The following PALLD variants were observed in gnomAD, a reference collection of about 807,000 sequenced individuals.
PALLD encodes palladin.
Under a neutral mutation model 123.5 loss-of-function variants are expected in PALLD, and 61 were observed. The observed-to-expected ratio is 0.49, with a 90% CI of 0.40 to 0.61. PALLD has a LOEUF of 0.61. Among genes scored for constraint, PALLD ranks in the 20% least tolerant of loss-of-function variants. PALLD has a pLI of 0.00. For synonymous variants in PALLD, 465 were observed against 496.4 expected, an observed-to-expected ratio of 0.94 and a Z score of 0.84; for missense variants, 1,273 against 1,377.0, an observed-to-expected ratio of 0.92 and a Z score of 1.20.
At chr4:168,718,523 A>AG (rs1159750794) in intron 10 of PALLD, among the ~76,000 whole-genome samples, 2 of 152,190 alleles carry the variant, frequency 1.3e-5, no homozygotes, top group Non-Finnish European at 2.9e-5. Flanking sequence ...TCAGTTAGCT[A>AG]GCCATTACTT....
At chr4:168,542,397 CAG>C (rs1339204436) in intron 2 of PALLD, among the ~76,000 whole-genome samples, 1 of 151,136 alleles carries the variant, frequency 6.6e-6, no homozygotes, top group Non-Finnish European at 1.5e-5. Context: ...GCCTGGGCAA[CAG>C]AGAGAAAAAA....
intron 2 of PALLD, among the ~76,000 whole-genome samples, chr4:168,640,588 GA>G (rs1776840806): frequency 6.6e-6 from 1 of 152,236 alleles, no homozygotes; most frequent in African/African-American, 2.4e-5. Context: ...GGTAGATTCA[GA>G]GATAACTGAC....
At position 168,709,151 on chromosome 4, in the gene PALLD, T is replaced by A. The variant is rs946070394; in HGVS notation, c.1621+4T>A. On this transcript the variant is annotated splice_donor_region_variant and intron_variant, in intron 9 of 21. Coordinates refer to ENST00000505667, the MANE Select transcript of PALLD (RefSeq NM_001166108.2). ...GCCCAGCTGGTTGTCACCTCAGGTATGTGAGGAGTAAAAAAAATGACTGGG... is the reference window on the plus strand; with the variant it reads ...GCCCAGCTGGTTGTCACCTCAGGTAAGTGAGGAGTAAAAAAAATGACTGGG... 4 of 1,613,524 alleles carry A rather than the reference T, an allele frequency of 2.5e-6. No individual in the cohort carries two copies. The highest frequency in any genetic ancestry group is 2.5e-6 in the Non-Finnish European group (3 of 1,179,758).
intron 2 of PALLD, among the ~76,000 whole-genome samples, chr4:168,655,308 G>A (rs997279080): frequency 1.3e-5 from 2 of 152,216 alleles, no homozygotes; most frequent in African/African-American, 4.8e-5. Flanking sequence ...AAAAGAAAGT[G>A]AATCCATTTC....
rs1011316920 is a variant in PALLD, at chr4:168,865,973, G to A, written c.1965-24949G>A. Among the ~76,000 whole-genome samples the A allele has an allele frequency of 5.3e-5, 8 of 152,150 alleles. No individual in the cohort carries two copies. The East Asian group carries it at 1.2e-3, about 22-fold the overall frequency. ...CAGCAGATGCTAAAAAAGGGCTGTC[G>A]GTGATTTAAAAACAAAGCTATTTAG... On this transcript the variant is annotated intron_variant, in intron 10 of 21. Coordinates refer to ENST00000505667, the MANE Select transcript of PALLD (RefSeq NM_001166108.2).
At chr4:168,532,097 C>T (rs1452666183) in intron 2 of PALLD, among the ~76,000 whole-genome samples, 1 of 152,108 alleles carries the variant, frequency 6.6e-6, no homozygotes, top group Admixed American at 6.6e-5. Flanking sequence ...CATCCTTCAC[C>T]CTCTGGCAGG....
intron 10 of PALLD, among the ~76,000 whole-genome samples, chr4:168,713,157 T>G (rs73864623): frequency 0.06 from 9,150 of 152,282 alleles, 559 homozygotes; most frequent in African/African-American, 0.15. Flanking sequence ...TCTGGCTCTC[T>G]TTTAAGACAG....
At chr4:168,893,104 T>G (rs1754413481) in intron 11 of PALLD, among the ~76,000 whole-genome samples, 1 of 152,152 alleles carries the variant, frequency 6.6e-6, no homozygotes, top group Admixed American at 6.5e-5. Context: ...TGCATTCTGG[T>G]GAAGGAATAG....
At chr4:168,733,927 G>A (rs1374060396) in intron 10 of PALLD, among the ~76,000 whole-genome samples, 2 of 152,136 alleles carry the variant, frequency 1.3e-5, no homozygotes, top group African/African-American at 2.4e-5. Context: ...AGTAGAGACG[G>A]GGTTTCACCA....
chr4:168,720,638 T>C (rs564276029), intron 10 of PALLD, among the ~76,000 whole-genome samples: 2 of 152,240 alleles, frequency 1.3e-5, no homozygotes, highest in Non-Finnish European at 2.9e-5. Flanking sequence ...TACAATGTGA[T>C]GATGACTTTG....
rs1366164563 is a variant in PALLD, at chr4:168,548,513, C to G, written c.908+36101C>G. On this transcript the variant is annotated intron_variant, in intron 2 of 21. Coordinates refer to ENST00000505667, the MANE Select transcript of PALLD (RefSeq NM_001166108.2). The stretch of plus-strand genomic sequence containing the variant: ...TGACTAGTTAAATCTAAAGAGATTC[C>G]CCAAGGCTGAATCTCAGAAGAGGCT... Among the ~76,000 whole-genome samples, 3 of 151,952 alleles carry G rather than the reference C, an allele frequency of 2.0e-5. No homozygotes were observed. In the East Asian group the frequency reaches 5.8e-4, roughly 29 times the overall value.
intron 10 of PALLD, among the ~76,000 whole-genome samples, chr4:168,833,916 TGAGG>T (rs1043675976): frequency 6.7e-6 from 1 of 149,200 alleles, no homozygotes; most frequent in African/African-American, 2.5e-5. Context: ...ATTTATAACT[TGAGG>T]GAGGCAGTTA....
chr4:168,669,800 G>GCA (rs10637670), intron 3 of PALLD, among the ~76,000 whole-genome samples: 11,385 of 147,936 alleles, frequency 0.077, 1,153 homozygotes, highest in African/African-American at 0.24. Context: ...CTTACAAAAT[G>GCA]CACACACACA....
chr4:168,851,693 T>C (rs559840330), intron 10 of PALLD, among the ~76,000 whole-genome samples: 257 of 152,318 alleles, frequency 1.7e-3, no homozygotes, highest in African/African-American at 5.6e-3. Flanking sequence ...AAAAGACTTA[T>C]ACCTTGGAAC....
At position 168,500,949 on chromosome 4, in the gene PALLD, T is replaced by C. The variant is rs558987374; in HGVS notation, c.-83+3755T>C. ...AAGATAAGATTCACAAAATTACTTATGTCAAATGTGTAATATACATACCAA... is the reference window on the plus strand; with the variant it reads ...AAGATAAGATTCACAAAATTACTTACGTCAAATGTGTAATATACATACCAA... On this transcript the variant is annotated intron_variant, in intron 1 of 21. Transcript: ENST00000505667. Among the ~76,000 whole-genome samples the C allele has an allele frequency of 3.9e-5, 6 of 152,362 alleles. No individual in the cohort carries two copies. In the South Asian group the frequency reaches 1.2e-3, roughly 32 times the overall value.
chr4:168,797,201 A>G (rs942898417), intron 10 of PALLD, among the ~76,000 whole-genome samples: 5 of 151,732 alleles, frequency 3.3e-5, no homozygotes, highest in African/African-American at 1.2e-4. Flanking sequence ...GAGCAAAGAA[A>G]AAAAGAAACA....
chr4:168,914,997 G>A (rs1759811847), intron 16 of PALLD, among the ~76,000 whole-genome samples: 1 of 152,152 alleles, frequency 6.6e-6, no homozygotes, highest in Non-Finnish European at 1.5e-5. Context: ...ACAGGATTAG[G>A]TCCATTGTCT....
At chr4:168,502,382 G>A (rs893150891) in intron 1 of PALLD, among the ~76,000 whole-genome samples, 2 of 152,054 alleles carry the variant, frequency 1.3e-5, no homozygotes, top group Non-Finnish European at 2.9e-5. Flanking sequence ...TGACATCCAC[G>A]TCTTTATAGA....
chr4:168,856,177 G>T (rs773138436), intron 10 of PALLD, among the ~76,000 whole-genome samples: 14 of 152,176 alleles, frequency 9.2e-5, no homozygotes, highest in Non-Finnish European at 2.1e-4. Flanking sequence ...ACATGATTTT[G>T]CTCTTTGTTG....
Sources: gnomAD v4.1 joint callset for allele counts (sites outside exome capture counted in the v4.1 genomes callset) on GRCh38, gnomAD v4.1.1 for gene constraint, MANE v1.5 for transcripts, NCBI Gene and HGNC (gene_info 2026-07-23, HGNC 2026-07-21) for gene names.